Variants in RELL1 observed in about 807,000 individuals in gnomAD.
The protein encoded by RELL1 is RELT-like protein 1.
RELL1 carries 10 observed loss-of-function variants against 23.0 expected under a neutral mutation model. That is an observed-to-expected ratio of 0.43 (90% CI 0.27 to 0.74). RELL1 has a LOEUF of 0.74. Ranked by LOEUF, RELL1 falls within the 30% of genes least tolerant of loss-of-function variation. The pLI is 0.19. For synonymous variants in RELL1, 146 were observed against 146.8 expected, an observed-to-expected ratio of 0.99 and a Z score of 0.04; for missense variants, 315 against 364.4, an observed-to-expected ratio of 0.86 and a Z score of 1.10.
chr4:37,619,573 T>C (rs1719700419), intron 6 of RELL1, among the ~76,000 whole-genome samples: 1 of 151,840 alleles, frequency 6.6e-6, no homozygotes, highest in South Asian at 2.1e-4. Context: ...ATTCACAGTG[T>C]TCCCTTTTAT....
chr4:37,608,242 G>A (rs1180123433), downstream of RELL1, among the ~76,000 whole-genome samples: 3 of 152,136 alleles, frequency 2.0e-5, no homozygotes, highest in African/African-American at 7.2e-5. Flanking sequence ...GTGAAAGGAA[G>A]GGTCACATGC....
chr4:37,675,532 G>A (rs1721999343), intron 1 of RELL1, among the ~76,000 whole-genome samples: 1 of 152,218 alleles, frequency 6.6e-6, no homozygotes, highest in Non-Finnish European at 1.5e-5. Context: ...CATATGCTCA[G>A]CTGCCTCAAG....
At chr4:37,590,229 G>T (rs749692383), downstream of RELL1, 2 of 1,614,094 alleles carry the variant, frequency 1.2e-6, no homozygotes, top group Non-Finnish European at 1.7e-6. Context: ...ACCCTCAGAG[G>T]CAGGGCTCAA....
rs568775216 is a variant in RELL1 at position 37,602,791 on chromosome 4, A to T, written c.*4-11574T>A. ...CACACAGTGGTGAGTGTGGGGCTCA[A>T]ACGCAACAGCAAAGGTCGTGCCTAC... On this transcript the variant is annotated intron_variant, in intron 6 of 6. Coordinates refer to the RELL1 transcript ENST00000314117. Among the ~76,000 whole-genome samples, 5 of 152,308 alleles carry T rather than the reference A, an allele frequency of 3.3e-5. No homozygotes were observed. The South Asian group carries it at 6.2e-4, about 19-fold the overall frequency.
chr4:37,607,858 G>A (rs1416213444), downstream of RELL1, among the ~76,000 whole-genome samples: 2 of 152,120 alleles, frequency 1.3e-5, no homozygotes, highest in Non-Finnish European at 2.9e-5. Context: ...AAAGTGCAGG[G>A]ATTACAGGCG....
chr4:37,604,766 CACACACACAG>C (rs1719107427), intron 6 of RELL1, among the ~76,000 whole-genome samples: 7 of 137,220 alleles, frequency 5.1e-5, no homozygotes, highest in Admixed American at 7.3e-5. Flanking sequence ...AAGAACCACA[CACACACACAG>C]ACACACACAG....
At chr4:37,684,348 T>TAAA (rs1722328747) in intron 1 of RELL1, among the ~76,000 whole-genome samples, 1 of 133,916 alleles carries the variant, frequency 7.5e-6, no homozygotes, top group African/African-American at 3.4e-5. Context: ...TTAATTTTCA[T>TAAA]CAAAAAAAAA....
intron 1 of RELL1, among the ~76,000 whole-genome samples, chr4:37,657,214 T>C (rs947247656): frequency 3.9e-5 from 6 of 152,044 alleles, no homozygotes; most frequent in Admixed American, 6.5e-5. Context: ...AAAAATAAAA[T>C]AGAAAGAAAA....
At chr4:37,605,020 CTACT>C (rs536857783) in intron 6 of RELL1, among the ~76,000 whole-genome samples, 127 of 152,050 alleles carry the variant, frequency 8.4e-4, no homozygotes, top group African/African-American at 3.0e-3. Flanking sequence ...TATTTTCAAA[CTACT>C]TAATATGTAT....
At chr4:37,650,475 C>T (rs1720888631) in intron 1 of RELL1, among the ~76,000 whole-genome samples, 1 of 152,048 alleles carries the variant, frequency 6.6e-6, no homozygotes, top group Non-Finnish European at 1.5e-5. Flanking sequence ...ATGATGGCAT[C>T]AGAAACAGCC....
At chr4:37,591,188 C>T (rs992204446) in exon 7 of RELL1, 3 of 571,410 alleles carry the variant, frequency 5.3e-6, no homozygotes, top group African/African-American at 3.7e-5. Flanking sequence ...TGGAGTTTCA[C>T]TCTGTGTAGA....
chr4:37,627,374 T>A (rs1002665067), intron 6 of RELL1, among the ~76,000 whole-genome samples: 2 of 152,166 alleles, frequency 1.3e-5, no homozygotes, highest in Non-Finnish European at 2.9e-5. Flanking sequence ...CTGAAAGCAA[T>A]TCAATTTATT....
chr4:37,655,631 C>G (rs535234945), intron 1 of RELL1, among the ~76,000 whole-genome samples: 1 of 152,300 alleles, frequency 6.6e-6, no homozygotes, highest in African/African-American at 2.4e-5. Flanking sequence ...CTGAAACCAC[C>G]CTGTCTGTGG....
chr4:37,655,428 T>C (rs995015304), intron 1 of RELL1, among the ~76,000 whole-genome samples: 1 of 152,128 alleles, frequency 6.6e-6, no homozygotes, highest in Non-Finnish European at 1.5e-5. Context: ...TCCCATATGA[T>C]TGGTGTCCTT....
chr4:37,618,832 T>C lies in RELL1; in HGVS notation c.*4-5490A>G, dbSNP rs78622076. Among the ~76,000 whole-genome samples, 197 of 152,344 alleles carry C rather than the reference T, an allele frequency of 1.3e-3. 2 individuals carry two copies. In the East Asian group the frequency reaches 0.027, roughly 21 times the overall value. ...TGGTGTGGGATAATGTCCATCTCCC[T>C]GCACCCTCTTGATTTTTGTTTGGTT... On this transcript the variant is annotated intron_variant, in intron 6 of 6. Coordinates refer to ENST00000454158, the MANE Select transcript of RELL1 (RefSeq NM_001085400.2).
At chr4:37,603,875 A>G (rs758258175) in intron 6 of RELL1, among the ~76,000 whole-genome samples, 151 of 152,246 alleles carry the variant, frequency 9.9e-4, no homozygotes, top group African/African-American at 3.5e-3. Context: ...CTTGAATGCA[A>G]TGGCACAATT....
intron 6 of RELL1, among the ~76,000 whole-genome samples, chr4:37,601,686 AG>A (rs760850999): frequency 3.9e-5 from 6 of 152,246 alleles, no homozygotes; most frequent in African/African-American, 7.2e-5. Context: ...AGGCAGCTCT[AG>A]GAAGTCTCAG....
chr4:37,679,509 T>G (rs1232920320), intron 1 of RELL1, among the ~76,000 whole-genome samples: 1 of 152,224 alleles, frequency 6.6e-6, no homozygotes, highest in African/African-American at 2.4e-5. Flanking sequence ...TCTGAAAACC[T>G]GGAAGTCAGA....
intron 1 of RELL1, among the ~76,000 whole-genome samples, chr4:37,662,838 C>T (rs1210158618): frequency 1.3e-5 from 2 of 152,000 alleles, no homozygotes; most frequent in Admixed American, 6.5e-5. Context: ...TCTAGGATCC[C>T]GGTGTCTTGA....
Sources: allele counts gnomAD v4.1 joint callset (sites outside exome capture counted in the v4.1 genomes callset), GRCh38; gene constraint gnomAD v4.1.1; transcripts MANE v1.5; gene names NCBI Gene and HGNC (gene_info 2026-07-23, HGNC 2026-07-21).